The following PREX2 variants were observed in gnomAD, a reference collection of about 807,000 sequenced individuals.
PREX2 encodes phosphatidylinositol 3,4,5-trisphosphate-dependent Rac exchanger 2 protein.
In PREX2, 107 loss-of-function variants were observed where a neutral mutation model predicts 203.2. The observed-to-expected ratio is 0.53, with a 90% CI of 0.45 to 0.62. PREX2 has a LOEUF of 0.62. Ranked by LOEUF, PREX2 falls within the 20% of genes least tolerant of loss-of-function variation. The probability of loss-of-function intolerance (pLI) is 0.00; values close to 1 mark genes in which losing one functional copy is unlikely to be tolerated. For synonymous variants in PREX2, 672 were observed against 663.6 expected (o/e 1.01, Z -0.19); for missense variants, 1,777 against 1,955.9 (o/e 0.91, Z 1.72).
At chr8:68,078,964 A>T (rs1201159485) in intron 15 of PREX2, among the ~76,000 whole-genome samples, 1 of 152,168 alleles carries the variant, frequency 6.6e-6, no homozygotes, top group Non-Finnish European at 1.5e-5. Flanking sequence ...GTGGAGGGAA[A>T]CAGCTGTAGC....
intron 25 of PREX2, chr8:68,111,078 T>G (rs774007763): frequency 2.8e-4 from 76 of 269,450 alleles, no homozygotes; most frequent in Non-Finnish European, 5.0e-4. Context: ...AAATGAGATT[T>G]TATTGCATGA....
In PREX2 at chr8:67,977,708, G is replaced by A. The variant is rs148319708; in HGVS notation, c.141+25173G>A. ...GGAGGGGAGAGAAATTGAAGGTTAA[G>A]CTAATCACCAGTGGCCAATGATTTA... On this transcript the variant is annotated intron_variant, in intron 1 of 39. Coordinates refer to ENST00000288368, the MANE Select transcript of PREX2 (RefSeq NM_024870.4). 8.5e-5 allele frequency among the ~76,000 whole-genome samples: 13 copies of A among 152,240 alleles called. No individual in the cohort carries two copies. The East Asian group carries it at 2.5e-3, about 30-fold the overall frequency.
At chr8:68,032,317 T>A (rs1807909715) in intron 6 of PREX2, among the ~76,000 whole-genome samples, 1 of 152,160 alleles carries the variant, frequency 6.6e-6, no homozygotes, top group Admixed American at 6.6e-5. Context: ...CTGTCGTTTT[T>A]AAATTCTACA....
chr8:68,000,244 CAA>C (rs1806901622), intron 1 of PREX2, among the ~76,000 whole-genome samples: 1 of 152,160 alleles, frequency 6.6e-6, no homozygotes, highest in Admixed American at 6.5e-5. Flanking sequence ...ACAATTTTAG[CAA>C]AGTCTCTGAA....
chr8:68,224,781 G>A (rs1813026446), intron 39 of PREX2, among the ~76,000 whole-genome samples, 155 bp downstream of exon 39: 1 of 151,906 alleles, frequency 6.6e-6, no homozygotes, highest in South Asian at 2.1e-4. Context: ...GGCTAAGTGT[G>A]ATTACACATA....
At chr8:68,148,124 G>A (rs1811363974) in intron 34 of PREX2, among the ~76,000 whole-genome samples, 1 of 152,100 alleles carries the variant, frequency 6.6e-6, no homozygotes, top group Admixed American at 6.6e-5. Flanking sequence ...GTATGCGCCT[G>A]TAATCCCAGC....
chr8:68,027,981 G>A lies in PREX2; in HGVS notation c.543+658G>A, dbSNP rs573195175. On this transcript the variant is annotated intron_variant, in intron 5 of 39. Transcript: ENST00000288368. Reference sequence around the variant, plus strand: ...AGGGACCTATGAATAGGTCAAGATGGCAATTTTTGAAACTGCGTTTTTTGG... The same window carrying A: ...AGGGACCTATGAATAGGTCAAGATGACAATTTTTGAAACTGCGTTTTTTGG... Among the ~76,000 whole-genome samples the A allele has an allele frequency of 2.6e-5, 4 of 152,122 alleles. No homozygotes were observed. The South Asian group carries it at 6.2e-4, about 24-fold the overall frequency.
rs573745676 is a variant in PREX2 at position 68,180,443 on chromosome 8, A to G, written c.4347-11279A>G. 7.9e-5 allele frequency among the ~76,000 whole-genome samples: 12 copies of G among 152,232 alleles called. No individual in the cohort carries two copies. In the South Asian group the frequency reaches 2.5e-3, roughly 32 times the overall value. Reference sequence around the variant, plus strand: ...TGATTTATGAATTATTTGTTTATGAACAAATAAGTGAATACACAAATCTGG... The same window carrying G: ...TGATTTATGAATTATTTGTTTATGAGCAAATAAGTGAATACACAAATCTGG... On this transcript the variant is annotated intron_variant, in intron 35 of 39. Coordinates refer to ENST00000288368, the MANE Select transcript of PREX2 (RefSeq NM_024870.4).
chr8:68,046,654 C>T (rs1018907695), intron 8 of PREX2, among the ~76,000 whole-genome samples: 1 of 152,064 alleles, frequency 6.6e-6, no homozygotes, highest in African/African-American at 2.4e-5. Context: ...GACACAAATT[C>T]GCAGGCTTGA....
intron 37 of PREX2, 106 bp downstream of exon 37, chr8:68,192,631 G>T: frequency 8.8e-6 from 7 of 799,064 alleles, no homozygotes; most frequent in Non-Finnish European, 1.1e-5. Context: ...AACATTCAAA[G>T]ACTCAGGTGT....
Position 68,152,348 on chromosome 8 carries a change from T to C in PREX2, c.4232-4974T>C, listed in dbSNP as rs139846597. Among the ~76,000 whole-genome samples, 1,127 of 138,798 alleles carry C rather than the reference T, an allele frequency of 8.1e-3. 12 individuals carry two copies. Among genetic ancestry groups the C allele is most frequent in the African/African-American group, 0.029 (1,061 of 37,146 alleles). The allele number at this position is 138,798 out of a possible 152,430, so 91.1% of individuals were successfully genotyped here. On this transcript the variant is annotated intron_variant, in intron 34 of 39. Coordinates refer to ENST00000288368, the MANE Select transcript of PREX2 (RefSeq NM_024870.4). The stretch of plus-strand genomic sequence containing the variant: ...AGTTTTCCATTTGGGTTTTACACAA[T>C]ATTTATAATTGAAACAATATAGCTT...
intron 35 of PREX2, among the ~76,000 whole-genome samples, chr8:68,185,069 A>G (rs1409710304): frequency 6.6e-6 from 1 of 152,054 alleles, no homozygotes; most frequent in Non-Finnish European, 1.5e-5. Context: ...TTCCCTATTT[A>G]TATTACCACA....
chr8:68,044,156 T>C (rs1418792451), intron 7 of PREX2, among the ~76,000 whole-genome samples: 1 of 152,116 alleles, frequency 6.6e-6, no homozygotes, highest in Non-Finnish European at 1.5e-5. Flanking sequence ...AATTTTAAAA[T>C]GGCCAGTTGT....
chr8:68,102,313 AAG>A (rs1269595514), intron 23 of PREX2, among the ~76,000 whole-genome samples: 5 of 152,330 alleles, frequency 3.3e-5, no homozygotes, highest in South Asian at 4.1e-4. Flanking sequence ...AGAAATAAAA[AAG>A]AGACATGTAG....
intron 35 of PREX2, among the ~76,000 whole-genome samples, chr8:68,184,046 A>G (rs1399503150): frequency 4.6e-5 from 7 of 152,162 alleles, no homozygotes; most frequent in African/African-American, 1.7e-4. Flanking sequence ...CTCATTATTC[A>G]GAATTTCTCT....
intron 25 of PREX2, among the ~76,000 whole-genome samples, chr8:68,113,374 A>C (rs10701456): frequency 6.6e-6 from 1 of 152,138 alleles, no homozygotes; most frequent in Non-Finnish European, 1.5e-5. Flanking sequence ...GAACTCCTGC[A>C]TTTTTTCCCT....
chr8:68,111,103 C>G (rs878865088), intron 25 of PREX2: 5 of 250,228 alleles, frequency 2.0e-5, no homozygotes, highest in South Asian at 1.3e-4. Context: ...TTTTAGAAAC[C>G]AGTTATTGTC....
intron 32 of PREX2, among the ~76,000 whole-genome samples, chr8:68,136,600 G>T (rs182830188): frequency 6.6e-6 from 1 of 152,284 alleles, no homozygotes; most frequent in Non-Finnish European, 1.5e-5. Context: ...ACCGGAAAAT[G>T]CACTGATTCT....
At chr8:68,096,198 A>G (rs964907670) in intron 21 of PREX2, among the ~76,000 whole-genome samples, 1 of 152,200 alleles carries the variant, frequency 6.6e-6, no homozygotes, top group African/African-American at 2.4e-5. Flanking sequence ...TTGGTGCCAC[A>G]TTGAAAGGTA....
Sources: gnomAD v4.1 joint callset for allele counts (sites outside exome capture counted in the v4.1 genomes callset) on GRCh38, gnomAD v4.1.1 for gene constraint, MANE v1.5 for transcripts, NCBI Gene and HGNC (gene_info 2026-07-23, HGNC 2026-07-21) for gene names.